Variants in CNOT6L observed in about 807,000 individuals in gnomAD.
The protein encoded by CNOT6L is CCR4-NOT transcription complex subunit 6 like, also known as CCR4-NOT transcription complex subunit 6-like.
A neutral mutation model predicts 64.0 loss-of-function variants in CNOT6L; 7 were observed. The observed-to-expected ratio is 0.11, with a 90% confidence interval of 0.06 to 0.21. The LOEUF is 0.21. Among genes scored for constraint, CNOT6L ranks in the 10% least tolerant of loss-of-function variants. The pLI, the probability that CNOT6L is intolerant of heterozygous loss-of-function variation, is 1.00. For missense variants in CNOT6L, 245 were observed against 669.0 expected (o/e 0.37, Z 6.99); for synonymous variants, 193 against 243.4 (o/e 0.79, Z 1.93).
chr4:77,817,068 GA>G (rs1246153434), intron 1 of CNOT6L, among the ~76,000 whole-genome samples: 2 of 152,084 alleles, frequency 1.3e-5, no homozygotes, highest in Non-Finnish European at 2.9e-5. Context: ...AAACTTTGGG[GA>G]TCTATCTAAA....
chr4:77,758,660 A>G (rs1725835903), intron 4 of CNOT6L, among the ~76,000 whole-genome samples: 1 of 152,198 alleles, frequency 6.6e-6, no homozygotes, highest in Non-Finnish European at 1.5e-5. Context: ...TTAAAGTGTA[A>G]CTGACAAATT....
At chr4:77,797,566 G>T (rs1327823511) in intron 1 of CNOT6L, among the ~76,000 whole-genome samples, 2 of 152,014 alleles carry the variant, frequency 1.3e-5, no homozygotes. Flanking sequence ...CTTAATAATG[G>T]CCCCAAAGCA....
At chr4:77,787,726 T>C (rs1729614576) in intron 1 of CNOT6L, among the ~76,000 whole-genome samples, 1 of 152,222 alleles carries the variant, frequency 6.6e-6, no homozygotes, top group African/African-American at 2.4e-5. Flanking sequence ...ATGATGACAA[T>C]GATCACCATC....
chr4:77,724,147 G>A (rs976278895), intron 11 of CNOT6L, among the ~76,000 whole-genome samples: 2 of 151,378 alleles, frequency 1.3e-5, no homozygotes, highest in South Asian at 4.2e-4. Flanking sequence ...ACCAGCCTGC[G>A]CAACATGGTG....
chr4:77,718,644 A>G lies in CNOT6L; in HGVS notation c.*1787T>C, dbSNP rs906995991. The G allele has an allele frequency of 3.9e-5, 6 of 152,578 alleles. No individual in the cohort carries two copies. The highest frequency in any genetic ancestry group is 1.4e-4 in the African/African-American group (6 of 41,450). The allele number at this position is 152,578 out of a possible 1,614,324, so 9.5% of individuals were successfully genotyped here. A position where few individuals can be genotyped will look rare whatever the true frequency, so the allele number is the denominator to read the frequency against. Reference sequence around the variant, plus strand: ...GTTCAGGCTTTACAGAACCCTTCTGATGCAATCCCATGTATGATATGACAT... The same window carrying G: ...GTTCAGGCTTTACAGAACCCTTCTGGTGCAATCCCATGTATGATATGACAT... On this transcript the variant is annotated 3_prime_UTR_variant, in exon 12 of 12. Transcript: ENST00000504123.
At position 77,766,032 on chromosome 4, in the gene CNOT6L, A is replaced by G. The variant is rs143822089; in HGVS notation, c.400+7049T>C. On this transcript the variant is annotated intron_variant, in intron 4 of 11. Coordinates refer to ENST00000504123, the MANE Select transcript of CNOT6L (RefSeq NM_144571.3). ...CAGGAATCTTATGTCTTCTGCCACC[A>G]TCCATGAACCAGTAACTGCCTAACT... Among the ~76,000 whole-genome samples, 387 of 152,260 alleles carry G rather than the reference A, an allele frequency of 2.5e-3. 1 individual carries two copies. Among genetic ancestry groups the G allele is most frequent in the Non-Finnish European group, 4.2e-3 (283 of 68,006 alleles).
rs1245445944 is a variant in CNOT6L at position 77,718,920 on chromosome 4, T to C, written c.*1511A>G. ...AGACACAAATATAGGCTATTGTCTT[T>C]TAAAATTTCATTCACATAATGGAAA... is the stretch of plus-strand genomic sequence containing the variant. On this transcript the variant is annotated 3_prime_UTR_variant, in exon 12 of 12. Transcript: ENST00000504123. 1.3e-5 allele frequency: 2 copies of C among 152,616 alleles called. No individual in the cohort carries two copies. Among genetic ancestry groups the C allele is most frequent in the Non-Finnish European group, 2.9e-5 (2 of 68,028 alleles). The allele number at this position is 152,616 out of a possible 1,614,324, so 9.5% of individuals were successfully genotyped here.
chr4:77,819,567 G>T, upstream of CNOT6L: 1 of 330,616 alleles, frequency 3.0e-6, no homozygotes, highest in Non-Finnish European at 5.1e-6. Context: ...CGGGGTCTCG[G>T]GGGGCCCGCG....
chr4:77,789,043 A>G (rs1412522376), intron 1 of CNOT6L, among the ~76,000 whole-genome samples: 1 of 152,174 alleles, frequency 6.6e-6, no homozygotes, highest in Admixed American at 6.5e-5. Flanking sequence ...CACTACAATG[A>G]AGATAATGTT....
chr4:77,761,374 T>C (rs977836262), intron 4 of CNOT6L, among the ~76,000 whole-genome samples: 1 of 152,176 alleles, frequency 6.6e-6, no homozygotes, highest in African/African-American at 2.4e-5. Flanking sequence ...CTTAATGACC[T>C]GTATCTACAA....
In CNOT6L at chr4:77,718,592, T is replaced by G. The variant is rs1462393435; in HGVS notation, c.*1839A>C. The stretch of plus-strand genomic sequence containing the variant: ...ATTATAATAGATGACAAACAACGCC[T>G]CTATCACTAGGCACTTTTAAAAGGG... On this transcript the variant is annotated 3_prime_UTR_variant, in exon 12 of 12. Coordinates refer to ENST00000504123, the MANE Select transcript of CNOT6L (RefSeq NM_144571.3). The G allele has an allele frequency of 1.3e-5, 2 of 152,528 alleles. No individual in the cohort carries two copies. The highest frequency in any genetic ancestry group is 2.1e-4 in the South Asian group (1 of 4,824). 9.4% of individuals were successfully genotyped at this position (152,528 alleles called of 1,614,324 possible).
At position 77,816,498 on chromosome 4, in the gene CNOT6L, T is replaced by C. The variant is rs112772297; in HGVS notation, c.5+2806A>G. 2.1e-3 allele frequency among the ~76,000 whole-genome samples: 318 copies of C among 152,180 alleles called. 2 individuals are homozygous for C. Among genetic ancestry groups the C allele is most frequent in the Middle Eastern group, 0.01 (3 of 294 alleles). On this transcript the variant is annotated intron_variant, in intron 1 of 11. Transcript: ENST00000504123. ...ACACACACTTTAAGAAAATCACAATTTGCATTCTAATAGTTGCCCCTAGTT... is the reference window on the plus strand; with the variant it reads ...ACACACACTTTAAGAAAATCACAATCTGCATTCTAATAGTTGCCCCTAGTT...
intron 1 of CNOT6L, among the ~76,000 whole-genome samples, chr4:77,790,261 A>G (rs1729970007): frequency 6.6e-6 from 1 of 152,168 alleles, no homozygotes; most frequent in East Asian, 1.9e-4. Context: ...TTAGCACTGA[A>G]TAACACATCA....
intron 1 of CNOT6L, among the ~76,000 whole-genome samples, chr4:77,787,638 C>T (rs11727993): frequency 0.86 from 131,252 of 152,142 alleles, 56,853 homozygotes; most frequent in Non-Finnish European, 0.9. Flanking sequence ...CAAACTCTTC[C>T]TTGAAACTCA....
intron 8 of CNOT6L, among the ~76,000 whole-genome samples, chr4:77,732,144 A>G (rs1722505592): frequency 6.6e-6 from 1 of 152,104 alleles, no homozygotes; most frequent in Non-Finnish European, 1.5e-5. Context: ...GAAAGTTGCA[A>G]TGGGGTATAA....
intron 4 of CNOT6L, among the ~76,000 whole-genome samples, chr4:77,758,283 C>T (rs535520240): frequency 3.9e-4 from 59 of 151,998 alleles, no homozygotes; most frequent in African/African-American, 1.3e-3. Flanking sequence ...ACTCCAAGTA[C>T]TAGGGGGAAA....
Position 77,713,956 on chromosome 4 carries a change from A to G in CNOT6L, c.*6475T>C, listed in dbSNP as rs1577905763. ...AGTCTAATTTAAAAAAAAATCTTAG[A>G]TTTTAAACTGATTACTGAAACACAA... is the stretch of plus-strand genomic sequence containing the variant. On this transcript the variant is annotated 3_prime_UTR_variant, in exon 12 of 12. Coordinates refer to ENST00000504123, the MANE Select transcript of CNOT6L (RefSeq NM_144571.3). 1 of 152,610 alleles carries G rather than the reference A, an allele frequency of 6.6e-6. No homozygotes were observed. The highest frequency in any genetic ancestry group is 1.5e-5 in the Non-Finnish European group (1 of 68,026). 9.5% of individuals were successfully genotyped at this position (152,610 alleles called of 1,614,324 possible).
At chr4:77,750,401 G>T (rs1724725503) in intron 5 of CNOT6L, among the ~76,000 whole-genome samples, 1 of 151,876 alleles carries the variant, frequency 6.6e-6, no homozygotes, top group Admixed American at 6.5e-5. Flanking sequence ...ACCCAGGCTG[G>T]AGTGCAGTGG....
chr4:77,807,327 T>C (rs1400640547), intron 1 of CNOT6L, among the ~76,000 whole-genome samples: 1 of 150,066 alleles, frequency 6.7e-6, no homozygotes, highest in African/African-American at 2.5e-5. Flanking sequence ...AGAGGATCTG[T>C]TGAGCTCAGG....
Sources: gnomAD v4.1 joint callset for allele counts (sites outside exome capture counted in the v4.1 genomes callset) on GRCh38, gnomAD v4.1.1 for gene constraint, MANE v1.5 for transcripts, NCBI Gene and HGNC (gene_info 2026-07-23, HGNC 2026-07-21) for gene names.